KLF12: variants seen among roughly 807,000 people sequenced by gnomAD.
The protein encoded by KLF12 is KLF transcription factor 12.
KLF12 carries 9 observed loss-of-function variants against 37.8 expected under a neutral mutation model. The ratio of observed to expected loss-of-function variants is 0.24; its 90% CI spans 0.14 to 0.42. KLF12 has a LOEUF of 0.42. KLF12 is among the 10% of genes least tolerant of loss of function. The pLI is 1.00. For missense variants in KLF12, 411 were observed against 516.0 expected, an observed-to-expected ratio of 0.80 and a Z score of 1.97; for synonymous variants, 208 against 202.1, an observed-to-expected ratio of 1.03 and a Z score of -0.25.
chr13:74,062,038 G>A (rs1027076037), intron 1 of KLF12, among the ~76,000 whole-genome samples: 1 of 152,140 alleles, frequency 6.6e-6, no homozygotes, highest in Non-Finnish European at 1.5e-5. Context: ...TTCCTCAGTT[G>A]TCTTGAGACT....
At chr13:73,887,307 T>C (rs1887277438) in intron 3 of KLF12, among the ~76,000 whole-genome samples, 2 of 152,228 alleles carry the variant, frequency 1.3e-5, no homozygotes, top group African/African-American at 2.4e-5. Flanking sequence ...CCAAATCTCA[T>C]ATTGAAATGC....
chr13:74,132,924 T>A (rs1452276631), intron 1 of KLF12, among the ~76,000 whole-genome samples: 2 of 152,172 alleles, frequency 1.3e-5, no homozygotes, highest in Non-Finnish European at 2.9e-5. Flanking sequence ...CACCAACTAA[T>A]GTCGCGGAGG....
chr13:73,893,147 C>T (rs953680012), intron 3 of KLF12, among the ~76,000 whole-genome samples: 6 of 152,092 alleles, frequency 3.9e-5, no homozygotes, highest in Non-Finnish European at 7.4e-5. Context: ...TGCCCCACAC[C>T]TCCGCAATGC....
chr13:73,908,501 G>A (rs1566452187), intron 3 of KLF12, among the ~76,000 whole-genome samples: 1 of 148,020 alleles, frequency 6.8e-6, no homozygotes, highest in African/African-American at 2.5e-5. Context: ...TTTTTTTTGA[G>A]ATGGAGTTTC....
chr13:73,819,250 T>C (rs1210356544), intron 4 of KLF12, among the ~76,000 whole-genome samples: 1 of 152,186 alleles, frequency 6.6e-6, no homozygotes, highest in African/African-American at 2.4e-5. Flanking sequence ...ACTGCTGCTC[T>C]AAGGAGTAAA....
the KLF12 span, among the ~76,000 whole-genome samples, chr13:74,275,854 CTTTCTTTCTTTCT>C: frequency 4.4e-4 from 50 of 114,900 alleles, no homozygotes; most frequent in African/African-American, 1.7e-3. Context: ...TTCTTTCTTT[CTTTCTTTCTTTCT>C]ATCTTTCTTT....
intron 1 of KLF12, among the ~76,000 whole-genome samples, chr13:74,119,488 G>A (rs749658066): frequency 5.3e-5 from 8 of 152,148 alleles, no homozygotes; most frequent in Non-Finnish European, 1.2e-4. Context: ...AGAATCTAGA[G>A]GAAAGGGTAG....
At chr13:74,125,198 T>G (rs9888506) in intron 1 of KLF12, among the ~76,000 whole-genome samples, 3,263 of 150,806 alleles carry the variant, frequency 0.022, 124 homozygotes, top group African/African-American at 0.072. Context: ...CAGTTTATAT[T>G]TAAAAAACAC....
intron 1 of KLF12, among the ~76,000 whole-genome samples, chr13:74,012,022 T>C (rs543169392): frequency 9.9e-5 from 15 of 152,064 alleles, no homozygotes; most frequent in Admixed American, 3.9e-4. Context: ...TTTAACTGTA[T>C]TTTATATAGA....
At chr13:74,160,606 G>GT in the KLF12 span, among the ~76,000 whole-genome samples, 2 of 152,162 alleles carry the variant, frequency 1.3e-5, no homozygotes, top group Non-Finnish European at 2.9e-5. Context: ...CACCCCTGGG[G>GT]TTTTGGCTTC....
intron 3 of KLF12, among the ~76,000 whole-genome samples, chr13:73,938,312 T>G (rs1229610928): frequency 9.2e-5 from 14 of 152,190 alleles, no homozygotes; most frequent in Admixed American, 2.6e-4. Flanking sequence ...TTGGGTTTTT[T>G]CCCCCTAATG....
At chr13:73,994,099 A>G (rs1204382113) in intron 2 of KLF12, among the ~76,000 whole-genome samples, 3 of 152,242 alleles carry the variant, frequency 2.0e-5, no homozygotes, top group Non-Finnish European at 4.4e-5. Context: ...AGCAATGAGG[A>G]TGGAAGAAGG....
At chr13:74,154,969 T>G in the KLF12 span, among the ~76,000 whole-genome samples, 2 of 152,230 alleles carry the variant, frequency 1.3e-5, no homozygotes, top group African/African-American at 4.8e-5. Context: ...GCTTTCCCTT[T>G]ATGAGAAGGG....
At chr13:73,894,205 G>T (rs935467496) in intron 3 of KLF12, among the ~76,000 whole-genome samples, 2 of 152,116 alleles carry the variant, frequency 1.3e-5, no homozygotes, top group African/African-American at 4.8e-5. Flanking sequence ...GATAAAGCAA[G>T]GAGACGTTTA....
In KLF12 at chr13:73,715,185, T is replaced by C. The variant is rs559741133; in HGVS notation, c.1027+183A>G. ...GTTCCCAACATTTTAAAAGCTCAAA[T>C]ACTTCACTGGTTTCTCAAGTTTCTC... On this transcript the variant is annotated intron_variant, in intron 7 of 7. Transcript: ENST00000377669. 2.0e-5 allele frequency among the ~76,000 whole-genome samples: 3 copies of C among 152,228 alleles called. No individual in the cohort carries two copies. The South Asian group carries it at 6.2e-4, about 32-fold the overall frequency.
At chr13:73,863,244 G>C (rs2138818172) in intron 3 of KLF12, among the ~76,000 whole-genome samples, 1 of 152,154 alleles carries the variant, frequency 6.6e-6, no homozygotes, top group Non-Finnish European at 1.5e-5. Flanking sequence ...GAAGTCATGG[G>C]GATAGTAAAA....
At chr13:73,912,646 A>T (rs1420657250) in intron 3 of KLF12, among the ~76,000 whole-genome samples, 1 of 152,190 alleles carries the variant, frequency 6.6e-6, no homozygotes, top group Admixed American at 6.5e-5. Context: ...CCCTGTTGAC[A>T]TGATAACTGT....
At chr13:73,903,544 G>A (rs1888131852) in intron 3 of KLF12, among the ~76,000 whole-genome samples, 1 of 152,188 alleles carries the variant, frequency 6.6e-6, no homozygotes, top group Admixed American at 6.5e-5. Context: ...ACTGGTAAAT[G>A]TTTATTCACA....
At chr13:73,948,473 C>T (rs1890525766) in intron 2 of KLF12, among the ~76,000 whole-genome samples, 1 of 152,188 alleles carries the variant, frequency 6.6e-6, no homozygotes, top group Admixed American at 6.5e-5. Context: ...TCTGCCTTGG[C>T]CTCCCAAAGT....
Sources: gnomAD v4.1 joint callset for allele counts (sites outside exome capture counted in the v4.1 genomes callset) on GRCh38, gnomAD v4.1.1 for gene constraint, MANE v1.5 for transcripts, NCBI Gene and HGNC (gene_info 2026-07-23, HGNC 2026-07-21) for gene names.